The following XNDC1N variants were observed in gnomAD, a reference collection of about 807,000 sequenced individuals.
The protein encoded by XNDC1N is protein XNDC1N.
the XNDC1N span, among the ~76,000 whole-genome samples, chr11:71,908,841 G>C: frequency 1.7e-3 from 254 of 152,228 alleles, 1 homozygote; most frequent in African/African-American, 3.1e-3. Context: ...TTATCAAAAC[G>C]CCCAAGAGTA....
the XNDC1N span, among the ~76,000 whole-genome samples, chr11:71,898,400 A>G: frequency 2.0e-5 from 3 of 152,142 alleles, no homozygotes; most frequent in African/African-American, 4.8e-5. Context: ...TAAGCTCAGG[A>G]GTTCGAGAAC....
chr11:71,877,537 C>CT, the XNDC1N span, among the ~76,000 whole-genome samples: 3 of 152,192 alleles, frequency 2.0e-5, no homozygotes, highest in Non-Finnish European at 4.4e-5. Flanking sequence ...ACTTGGGAGA[C>CT]TGAGGAAGGA....
At chr11:71,891,318 C>T in the XNDC1N span, among the ~76,000 whole-genome samples, 2 of 151,926 alleles carry the variant, frequency 1.3e-5, no homozygotes, top group Non-Finnish European at 2.9e-5. Flanking sequence ...GTAATATCAT[C>T]CTCTCTCCCT....
At chr11:71,901,439 A>G in the XNDC1N span, among the ~76,000 whole-genome samples, 1 of 151,940 alleles carries the variant, frequency 6.6e-6, no homozygotes, top group Non-Finnish European at 1.5e-5. Context: ...TCTACTCAAA[A>G]TAGAAAAAAA....
At chr11:71,928,159 AACTGGCATGAC>A in the XNDC1N span, 1 of 411,290 alleles carries the variant, frequency 2.4e-6, no homozygotes, top group Non-Finnish European at 4.4e-6. Flanking sequence ...GAGGTGTGTG[AACTGGCATGAC>A]AGCCTAAGTA....
At chr11:71,895,346 G>C in the XNDC1N span, among the ~76,000 whole-genome samples, 1 of 151,284 alleles carries the variant, frequency 6.6e-6, no homozygotes, top group Admixed American at 6.6e-5. Context: ...TTTCACTCTT[G>C]TTGCCCAGGC....
the XNDC1N span, among the ~76,000 whole-genome samples, chr11:71,922,735 C>T: frequency 6.6e-6 from 1 of 152,150 alleles, no homozygotes; most frequent in Non-Finnish European, 1.5e-5. Context: ...CCCCAAATGC[C>T]AATGGCACCC....
chr11:71,899,555 A>G, the XNDC1N span, among the ~76,000 whole-genome samples: 11 of 152,232 alleles, frequency 7.2e-5, no homozygotes, highest in Non-Finnish European at 1.5e-4. Context: ...GTATGAAATC[A>G]AGGTTTAAGG....
At chr11:71,928,143 TGTGCCG>T in the XNDC1N span, 1 of 342,968 alleles carries the variant, frequency 2.9e-6, no homozygotes, top group Non-Finnish European at 5.4e-6. Flanking sequence ...GTTAGAAAAG[TGTGCCG>T]AGGTGTGTGA....
At chr11:71,884,087 A>C in the XNDC1N span, among the ~76,000 whole-genome samples, 1 of 152,232 alleles carries the variant, frequency 6.6e-6, no homozygotes, top group Admixed American at 6.5e-5. Flanking sequence ...TCCAGAAATT[A>C]AACATTATTT....
the XNDC1N span, among the ~76,000 whole-genome samples, chr11:71,885,171 G>C: frequency 0.026 from 3,850 of 150,930 alleles, 54 homozygotes; most frequent in East Asian, 0.077. Context: ...TGAATATTAA[G>C]AACAGTATCA....
the XNDC1N span, among the ~76,000 whole-genome samples, chr11:71,904,430 C>A: frequency 6.6e-6 from 1 of 152,092 alleles, no homozygotes; most frequent in Non-Finnish European, 1.5e-5. Flanking sequence ...CGGGTACACA[C>A]ACTGTGATAT....
chr11:71,889,410 C>T, the XNDC1N span, among the ~76,000 whole-genome samples: 5 of 152,204 alleles, frequency 3.3e-5, no homozygotes, highest in Non-Finnish European at 5.9e-5. Context: ...AGCATCTTCC[C>T]CCTTCTGGGC....
chr11:71,919,555 T>TA, the XNDC1N span, among the ~76,000 whole-genome samples: 1 of 146,432 alleles, frequency 6.8e-6, no homozygotes, highest in African/African-American at 2.5e-5. Flanking sequence ...GCCCAGCTAA[T>TA]TTTTTTGTAT....
At chr11:71,873,477 CT>C in the XNDC1N span, among the ~76,000 whole-genome samples, 1 of 152,130 alleles carries the variant, frequency 6.6e-6, no homozygotes, top group Non-Finnish European at 1.5e-5. Context: ...GGAGCATGCC[CT>C]TTTCGATATC....
the XNDC1N span, among the ~76,000 whole-genome samples, chr11:71,920,128 T>C: frequency 1.4e-5 from 2 of 147,668 alleles, no homozygotes; most frequent in Admixed American, 6.8e-5. Context: ...CAGCTAATTT[T>C]TTTTGTATTT....
chr11:71,881,769 G>C, the XNDC1N span, among the ~76,000 whole-genome samples: 2 of 152,116 alleles, frequency 1.3e-5, no homozygotes, highest in Non-Finnish European at 2.9e-5. Flanking sequence ...ATCAAGGAAA[G>C]AATCAGTGAG....
At chr11:71,903,950 G>C in the XNDC1N span, 1 of 480,752 alleles carries the variant, frequency 2.1e-6, no homozygotes, top group South Asian at 1.5e-5. Context: ...TGATTTTATG[G>C]AACAGGCGTT....
the XNDC1N span, among the ~76,000 whole-genome samples, chr11:71,866,170 CTTG>C: frequency 6.9e-6 from 1 of 144,324 alleles, no homozygotes; most frequent in South Asian, 2.1e-4. Flanking sequence ...TACTGCTGTG[CTTG>C]TTGTTATAAA....
Sources: allele counts gnomAD v4.1 joint callset (sites outside exome capture counted in the v4.1 genomes callset), GRCh38; gene constraint gnomAD v4.1.1; transcripts MANE v1.5; gene names NCBI Gene and HGNC (gene_info 2026-07-23, HGNC 2026-07-21).